Variants in IRF1 observed in about 807,000 individuals in gnomAD.
IRF1 encodes interferon regulatory factor-1.
IRF1 carries 13 observed loss-of-function variants against 43.7 expected under a neutral mutation model. The observed-to-expected ratio is 0.30, with a 90% CI of 0.19 to 0.47. IRF1 has a LOEUF of 0.47. Ranked by LOEUF, IRF1 falls within the 20% of genes least tolerant of loss-of-function variation. IRF1 has a pLI of 0.99. For synonymous variants in IRF1, 138 were observed against 146.8 expected (o/e 0.94, Z 0.43); for missense variants, 236 against 408.9 (o/e 0.58, Z 3.65).
In IRF1 at chr5:132,485,649, G is replaced by C. The variant is rs778994328; in HGVS notation, c.717+18C>G. 3 of 1,600,898 alleles carry C rather than the reference G, an allele frequency of 1.9e-6. No homozygotes were observed. Among genetic ancestry groups the C allele is most frequent in the South Asian group, 1.1e-5 (1 of 90,796 alleles). ...GAAACGGTCACTTCAAGAGTGCCCA[G>C]GTAGGAAGGGGCTTTACCTTCATGA... On this transcript the variant is annotated intron_variant, in intron 8 of 9. Coordinates refer to ENST00000245414, the MANE Select transcript of IRF1 (RefSeq NM_002198.3).
intron 5 of IRF1, 43 bp downstream of exon 5, chr5:132,486,735 TCCACTGCTCACCCTGGC>T: frequency 6.2e-7 from 1 of 1,614,158 alleles, no homozygotes. Context: ...TAGCATTTCT[TCCACTGCTCACCCTGGC>T]CCACAGGTGA....
chr5:132,487,514 T>A (rs1754568168), intron 3 of IRF1: 1 of 346,626 alleles, frequency 2.9e-6, no homozygotes. Context: ...GGCTGACTGT[T>A]CTGAGATGGG....
chr5:132,488,652 T>C (rs928641552), intron 2 of IRF1: 3 of 152,728 alleles, frequency 2.0e-5, no homozygotes, highest in Admixed American at 6.5e-5. Flanking sequence ...TGTTATTATA[T>C]CACTTATGGT....
At position 132,483,841 on chromosome 5, in the gene IRF1, G is replaced by A. The variant is rs1754449445; in HGVS notation, c.*110C>T. The A allele has an allele frequency of 1.4e-6, 2 of 1,400,610 alleles. No homozygotes were observed. The highest frequency in any genetic ancestry group is 2.3e-5 in the East Asian group (1 of 42,966). The allele number at this position is 1,400,610 out of a possible 1,614,324, so 86.8% of individuals were successfully genotyped here. Reference sequence around the variant, plus strand: ...GGCCCCATCCCCACTTGGCAGTGGGGTCACACTTGGCTGTTGAGGGGCCCA... The same window carrying A: ...GGCCCCATCCCCACTTGGCAGTGGGATCACACTTGGCTGTTGAGGGGCCCA... On this transcript the variant is annotated 3_prime_UTR_variant, in exon 10 of 10. Transcript: ENST00000245414.
intron 9 of IRF1, 78 bp from the exon 10 acceptor site, chr5:132,484,153 T>TGTCTATGGCCTTC: frequency 1.3e-6 from 2 of 1,566,646 alleles, no homozygotes; most frequent in Non-Finnish European, 1.7e-6. Context: ...CTGAAGGCCA[T>TGTCTATGGCCTTC]AGACATGGCC....
Position 132,483,816 on chromosome 5 carries a change from G to A in IRF1, c.*135C>T. On this transcript the variant is annotated 3_prime_UTR_variant, in exon 10 of 10. Coordinates refer to ENST00000245414, the MANE Select transcript of IRF1 (RefSeq NM_002198.3). Reference sequence around the variant, plus strand: ...GAGAGGTCAATGACCCAAGGAGGGAGGCCCCATCCCCACTTGGCAGTGGGG... The same window carrying A: ...GAGAGGTCAATGACCCAAGGAGGGAAGCCCCATCCCCACTTGGCAGTGGGG... 9.0e-7 allele frequency: 1 copy of A among 1,106,156 alleles called. No individual in the cohort carries two copies. 68.5% of individuals were successfully genotyped at this position (1,106,156 alleles called of 1,614,324 possible). A position where few individuals can be genotyped will look rare whatever the true frequency, so the allele number is the denominator to read the frequency against.
chr5:132,487,958 G>A lies in IRF1; in HGVS notation c.155C>T (p.Ala52Val). Residue 52 changes from alanine to valine, a missense_variant, in exon 3 of 10, where the codon GCC (alanine) becomes GTC (valine). Transcript: ENST00000245414. ...AKHGWDINKD[A>V]CLFRSWAIHT... The stretch of plus-strand genomic sequence containing the variant: ...AATGGCCCAGCTCCGGAACAAACAG[G>A]CATCCTTGTTGATGTCCCAGCCATG... 1 of 1,613,556 alleles carries A rather than the reference G, an allele frequency of 6.2e-7. No homozygotes were observed. Among genetic ancestry groups the A allele is most frequent in the Non-Finnish European group, 8.5e-7 (1 of 1,179,906 alleles).
At chr5:132,484,864 A>C (rs1561603196) in intron 8 of IRF1, 2 of 175,460 alleles carry the variant, frequency 1.1e-5, no homozygotes, top group Non-Finnish European at 2.4e-5. Context: ...AAGGAACGAC[A>C]TCCATGTCTC....
Position 132,490,372 on chromosome 5 carries a change from C to CGCGGCCCGCGGCTCGCAGCTCCTCCG in IRF1, c.-6+147_-6+172dup, listed in dbSNP as rs1287312383. 4 of 149,678 alleles carry CGCGGCCCGCGGCTCGCAGCTCCTCCG rather than the reference C, an allele frequency of 2.7e-5. No homozygotes were observed. The highest frequency in any genetic ancestry group is 9.7e-5 in the African/African-American group (4 of 41,090). The allele number at this position is 149,678 out of a possible 1,614,324, so 9.3% of individuals were successfully genotyped here. ...ACGCCGCGTCCCGCCCTCCCCGCGC[C>CGCGGCCCGCGGCTCGCAGCTCCTCCG]GCGGCCCGCGGCTCGCAGCTCCTCC... On this transcript the variant is annotated intron_variant, in intron 1 of 9. Coordinates refer to ENST00000245414, the MANE Select transcript of IRF1 (RefSeq NM_002198.3). This position sits in a 1 kb window ranked among gnomAD's most constrained non-coding sequence, Gnocchi z 5.8.
In IRF1 at chr5:132,487,036, C is replaced by G; in HGVS notation, c.282G>C (p.Val94=). Residue 94 remains valine, a synonymous_variant, in exon 4 of 10, where the codon GTG becomes GTC. Transcript: ENST00000245414. ...AMNSLPDIEE[V]KDQSRNKGSS... ...TGCCCTTGTTCCTGCTCTGGTCTTTCACCTCCTCGATATCTGGCAGGGAGT... is the reference window on the plus strand; with the variant it reads ...TGCCCTTGTTCCTGCTCTGGTCTTTGACCTCCTCGATATCTGGCAGGGAGT... The G allele has an allele frequency of 1.2e-6, 2 of 1,614,216 alleles. No individual in the cohort carries two copies. The highest frequency in any genetic ancestry group is 8.5e-7 in the Non-Finnish European group (1 of 1,180,040).
At chr5:132,489,306 C>G in intron 2 of IRF1, 86 bp downstream of exon 2, 1 of 1,047,400 alleles carries the variant, frequency 9.5e-7, no homozygotes, top group East Asian at 2.4e-5. Flanking sequence ...TATCACTTCC[C>G]TTTTTGAGCT....
At position 132,489,514 on chromosome 5, in the gene IRF1, G is replaced by T. The variant is rs769404417; in HGVS notation, c.-5-31C>A. 1.9e-6 allele frequency: 3 copies of T among 1,581,282 alleles called. No individual in the cohort carries two copies. In the South Asian group the frequency reaches 3.3e-5, roughly 17 times the overall value. On this transcript the variant is annotated intron_variant, in intron 1 of 9. Coordinates refer to ENST00000245414, the MANE Select transcript of IRF1 (RefSeq NM_002198.3). ...AAGAGAACACAGAGGCTCCAGTCTG[G>T]AATCTGTTGAACAGTACCTGGGCAG...
At chr5:132,484,139 A>G in intron 9 of IRF1, 64 bp from the exon 10 acceptor site, 2 of 1,589,742 alleles carry the variant, frequency 1.3e-6, no homozygotes, top group Non-Finnish European at 1.7e-6. Context: ...GCTTCCCCCT[A>G]CCCCTGAAGG....
chr5:132,488,072 A>C (rs1454120028), intron 2 of IRF1, 47 bp from the exon 3 acceptor site: 2 of 1,457,816 alleles, frequency 1.4e-6, no homozygotes, highest in Middle Eastern at 1.7e-4. Context: ...GTCAGAGACC[A>C]CAGACTTTGG....
rs191461092 is a variant in IRF1 at position 132,485,445 on chromosome 5, T to C, written c.717+222A>G. ...CAGAGCTGTCTGATGCCCCAAGGCTTGCTTCAGGACGGCCTGTCAGAGGCC... is the reference window on the plus strand; with the variant it reads ...CAGAGCTGTCTGATGCCCCAAGGCTCGCTTCAGGACGGCCTGTCAGAGGCC... On this transcript the variant is annotated intron_variant, in intron 8 of 9. Transcript: ENST00000245414. 2.1e-5 allele frequency: 12 copies of C among 581,376 alleles called. No individual in the cohort carries two copies. The East Asian group carries it at 2.9e-4, about 14-fold the overall frequency. 36.0% of individuals were successfully genotyped at this position (581,376 alleles called of 1,614,324 possible).
chr5:132,483,846 A>G lies in IRF1; in HGVS notation c.*105T>C. 1 of 1,442,078 alleles carries G rather than the reference A, an allele frequency of 6.9e-7. No homozygotes were observed. The highest frequency in any genetic ancestry group is 9.5e-7 in the Non-Finnish European group (1 of 1,050,188). The allele number at this position is 1,442,078 out of a possible 1,614,324, so 89.3% of individuals were successfully genotyped here. A position where few individuals can be genotyped will look rare whatever the true frequency, so the allele number is the denominator to read the frequency against. On this transcript the variant is annotated 3_prime_UTR_variant, in exon 10 of 10. Transcript: ENST00000245414. ...CATCCCCACTTGGCAGTGGGGTCAC[A>G]CTTGGCTGTTGAGGGGCCCACAGAA...
In IRF1 at chr5:132,484,021, G is replaced by A. The variant is rs555668720; in HGVS notation, c.908C>T (p.Ala303Val). 48 of 1,614,018 alleles carry A rather than the reference G, an allele frequency of 3.0e-5. No individual in the cohort carries two copies. In the African/African-American group the frequency reaches 6.0e-4, roughly 20 times the overall value. Residue 303 changes from alanine to valine, a missense_variant, in exon 10 of 10, where the codon GCC becomes GTC. Physicochemically the swap from Ala to Val is moderately conservative, Grantham distance 64. This residue lies in a region of IRF1 where 170 missense variants were observed against 251.8 expected (regional missense o/e 0.68). Coordinates refer to ENST00000245414, the MANE Select transcript of IRF1 (RefSeq NM_002198.3). ...GGTCAGCAGGCTGTCCAGCCAGGTG[G>A]CATCCATGTTCTTCAGATCTGTGAA... ...RVFTDLKNMD[A>V]TWLDSLLTPV...
chr5:132,486,436 C>T (rs750209705), intron 6 of IRF1, 63 bp from the exon 7 acceptor site: 33 of 1,609,192 alleles, frequency 2.1e-5, no homozygotes, highest in African/African-American at 8.0e-5. Context: ...AGACATCGAG[C>T]GCCCTCCGAC....
chr5:132,487,342 G>A (rs764954781), intron 3 of IRF1: 61 of 580,210 alleles, frequency 1.1e-4, no homozygotes, highest in East Asian at 2.0e-4. Flanking sequence ...CACATCTAGC[G>A]GGCCTCAGTG....
Sources: allele counts gnomAD v4.1 joint callset, GRCh38; gene constraint gnomAD v4.1.1; regional missense constraint gnomAD v4.1.1; non-coding constraint Gnocchi (gnomAD v3.1); transcripts MANE v1.5; gene names NCBI Gene and HGNC (gene_info 2026-07-23, HGNC 2026-07-21).